The following DOCK10 variants were observed in gnomAD, a reference collection of about 807,000 sequenced individuals.
DOCK10 encodes the protein dedicator of cytokinesis 10, also known as dedicator of cytokinesis protein 10.
In DOCK10, 145 loss-of-function variants were observed where a neutral mutation model predicts 280.1. The observed-to-expected ratio is 0.52, with a 90% CI of 0.45 to 0.59. The LOEUF is 0.59. DOCK10 is among the 20% of genes least tolerant of loss of function. DOCK10 has a pLI of 0.00. For synonymous variants in DOCK10, 915 were observed against 942.2 expected (o/e 0.97, Z 0.53); for missense variants, 2,368 against 2,651.7 (o/e 0.89, Z 2.35).
intron 26 of DOCK10, among the ~76,000 whole-genome samples, chr2:224,831,529 T>TA (rs5839079): frequency 0.19 from 28,598 of 152,150 alleles, 4,236 homozygotes; most frequent in African/African-American, 0.42. Context: ...TTAAATACTT[T>TA]AAAAAACAAA....
At chr2:225,022,874 C>T (rs1689819312) in intron 1 of DOCK10, among the ~76,000 whole-genome samples, 1 of 152,138 alleles carries the variant, frequency 6.6e-6, no homozygotes, top group Non-Finnish European at 1.5e-5. Context: ...TTGTGAATCT[C>T]ATTATGAGAA....
At chr2:224,883,948 G>C (rs776456822) in intron 7 of DOCK10, among the ~76,000 whole-genome samples, 1 of 152,152 alleles carries the variant, frequency 6.6e-6, no homozygotes, top group Non-Finnish European at 1.5e-5. Context: ...AAATGGAAAG[G>C]ATAATATTTA....
chr2:224,859,705 G>A (rs1697375634), intron 14 of DOCK10, among the ~76,000 whole-genome samples: 1 of 150,494 alleles, frequency 6.6e-6, no homozygotes, highest in African/African-American at 2.4e-5. Context: ...CATGTCTTAG[G>A]GCACACTGAA....
intron 1 of DOCK10, among the ~76,000 whole-genome samples, chr2:225,016,610 TATATCTATGTGCACATAGATAC>T: frequency 1.1e-5 from 1 of 94,460 alleles, no homozygotes; most frequent in African/African-American, 4.0e-5. Context: ...CATAGATACA[TATATCTATGTGCACATAGATAC>T]ATATATCTAT....
intron 50 of DOCK10, among the ~76,000 whole-genome samples, chr2:224,785,071 C>T (rs1454048891): frequency 7.3e-6 from 1 of 136,720 alleles, no homozygotes; most frequent in Non-Finnish European, 1.6e-5. Flanking sequence ...CTCCCACATC[C>T]CCTTCCCGAC....
At chr2:224,891,073 T>TGATGGATGGATGGATG (rs368721844) in intron 4 of DOCK10, among the ~76,000 whole-genome samples, 5 of 151,718 alleles carry the variant, frequency 3.3e-5, no homozygotes, top group African/African-American at 1.2e-4. Flanking sequence ...GAAGGATGGA[T>TGATGGATGGATGGATG]GATGGATGGA....
intron 1 of DOCK10, among the ~76,000 whole-genome samples, chr2:224,986,534 A>G (rs941711594): frequency 8.5e-5 from 13 of 152,152 alleles, no homozygotes; most frequent in African/African-American, 2.4e-5. Context: ...GAAAGTAATA[A>G]GGTTTCATGA....
chr2:224,941,277 AT>A (rs1703052188), intron 1 of DOCK10, among the ~76,000 whole-genome samples: 1 of 151,520 alleles, frequency 6.6e-6, no homozygotes, highest in Non-Finnish European at 1.5e-5. Context: ...GAGAATTGAC[AT>A]TCTAACCCAG....
intron 1 of DOCK10, among the ~76,000 whole-genome samples, chr2:225,010,773 C>T (rs1689410981): frequency 6.6e-6 from 1 of 152,008 alleles, no homozygotes; most frequent in Non-Finnish European, 1.5e-5. Context: ...CAAAGACAGA[C>T]ATCAACTAAT....
rs1303181349 is a variant in DOCK10 at position 224,800,235 on chromosome 2, A to G, written c.4422T>C (p.His1474=). The G allele has an allele frequency of 2.5e-6, 4 of 1,611,264 alleles. No individual in the cohort carries two copies. The South Asian group carries it at 3.3e-5, about 13-fold the overall frequency. The change falls in exon 41 of 56, where the codon CAT becomes CAC. Residue 1474 remains histidine (H), a synonymous_variant. Transcript: ENST00000258390. ...TSNSNEIDIV[H]HVDTEANIAT... ...CTATATTGGCCTCAGTGTCTACATG[A>G]TGCACGATGTCTATTTCATTGGAGT...
At chr2:225,037,681 T>G (rs1455162415) in intron 1 of DOCK10, among the ~76,000 whole-genome samples, 1 of 152,252 alleles carries the variant, frequency 6.6e-6, no homozygotes, top group African/African-American at 2.4e-5. Context: ...TGCTTGACAC[T>G]GTGCCAGGCA....
chr2:225,033,973 T>C (rs577541032), intron 1 of DOCK10, among the ~76,000 whole-genome samples: 5 of 152,356 alleles, frequency 3.3e-5, no homozygotes, highest in African/African-American at 7.2e-5. Context: ...CTTTGGGAAA[T>C]GTCTGAGCAA....
chr2:224,794,810 A>C lies in DOCK10; in HGVS notation c.5154+69T>G. 3.3e-6 allele frequency: 5 copies of C among 1,497,778 alleles called. No homozygotes were observed. The South Asian group carries it at 5.8e-5, about 17-fold the overall frequency. The allele number at this position is 1,497,778 out of a possible 1,614,324, so 92.8% of individuals were successfully genotyped here. On this transcript the variant is annotated intron_variant, in intron 45 of 55. Transcript: ENST00000258390. ...GCATCCTTTTCTAGTCCATGCTGTA[A>C]ATGAAAATCCAATTTTCCTGATAAA...
chr2:224,990,620 T>G (rs952342977), intron 1 of DOCK10, among the ~76,000 whole-genome samples: 5 of 152,138 alleles, frequency 3.3e-5, no homozygotes, highest in African/African-American at 1.2e-4. Context: ...TGTTGTTGTT[T>G]TTAAATCTCC....
intron 1 of DOCK10, among the ~76,000 whole-genome samples, chr2:225,038,094 A>T (rs922318752): frequency 3.9e-5 from 6 of 152,168 alleles, no homozygotes; most frequent in African/African-American, 1.4e-4. Context: ...CAACAAAACA[A>T]AGCAAAAAAC....
At chr2:224,767,804 T>G (rs540651380) in intron 55 of DOCK10, among the ~76,000 whole-genome samples, 10 of 152,382 alleles carry the variant, frequency 6.6e-5, no homozygotes, top group Non-Finnish European at 1.3e-4. Flanking sequence ...TCACTTCTAG[T>G]GTTCGGCTAT....
At chr2:224,824,429 CTTTT>C (rs869275800) in intron 27 of DOCK10, among the ~76,000 whole-genome samples, 1 of 63,602 alleles carries the variant, frequency 1.6e-5, no homozygotes, top group Non-Finnish European at 2.9e-5. Flanking sequence ...TCAGACTCTG[CTTTT>C]TTTTTTTTTT....
chr2:224,970,733 A>G lies in DOCK10; in HGVS notation c.124-39065T>C, dbSNP rs1278866418. Among the ~76,000 whole-genome samples, 1 of 152,208 alleles carries G rather than the reference A, an allele frequency of 6.6e-6. No individual in the cohort carries two copies. The highest frequency in any genetic ancestry group is 1.9e-4 in the East Asian group (1 of 5,204). On this transcript the variant is annotated intron_variant, in intron 1 of 55. Transcript: ENST00000258390. The surrounding 1 kb of genome is among the most constrained non-coding windows in gnomAD (Gnocchi z 4.6). ...ACTTGAACTCATTATCTCTGTATTT[A>G]ATCCTTAAAGAAAAGTCAAAAAACT... is the stretch of plus-strand genomic sequence containing the variant.
At chr2:224,819,291 A>G (rs1694349524) in intron 29 of DOCK10, among the ~76,000 whole-genome samples, 155 bp downstream of exon 29, 1 of 152,228 alleles carries the variant, frequency 6.6e-6, no homozygotes, top group Non-Finnish European at 1.5e-5. Flanking sequence ...TGGTAGGCAC[A>G]CTCAGCAGAT....
Sources: gnomAD v4.1 joint callset for allele counts (sites outside exome capture counted in the v4.1 genomes callset) on GRCh38, gnomAD v4.1.1 for gene constraint, Gnocchi (gnomAD v3.1) non-coding constraint, MANE v1.5 for transcripts, NCBI Gene and HGNC (gene_info 2026-07-23, HGNC 2026-07-21) for gene names.